TTBK2: variants seen among roughly 807,000 people sequenced by gnomAD.
TTBK2 encodes tau tubulin kinase 2, also known as tau-tubulin kinase 2.
Under a neutral mutation model 110.8 loss-of-function variants are expected in TTBK2, and 28 were observed. That is an observed-to-expected ratio of 0.25 (90% confidence interval 0.19 to 0.35). The LOEUF is 0.35. Among genes scored for constraint, TTBK2 ranks in the 10% least tolerant of loss-of-function variants. The pLI is 1.00. For synonymous variants in TTBK2, 532 were observed against 527.3 expected, an observed-to-expected ratio of 1.01 and a Z score of -0.12; for missense variants, 1,369 against 1,500.3, an observed-to-expected ratio of 0.91 and a Z score of 1.45.
chr15:42,901,326 C>T (rs1280640097), intron 1 of TTBK2, among the ~76,000 whole-genome samples: 1 of 151,476 alleles, frequency 6.6e-6, no homozygotes, highest in Non-Finnish European at 1.5e-5. Context: ...CACACCATTG[C>T]ACTCCAGCCT....
chr15:42,907,758 T>C (rs2030494602), intron 1 of TTBK2, among the ~76,000 whole-genome samples: 1 of 152,032 alleles, frequency 6.6e-6, no homozygotes. Context: ...GTAAATCTTA[T>C]TTGCACGTTT....
rs772663958 is a variant in TTBK2 at position 42,783,454 on chromosome 15, C to A, written c.1162G>T (p.Ala388Ser). 1.2e-6 allele frequency: 2 copies of A among 1,614,106 alleles called. No homozygotes were observed. The highest frequency in any genetic ancestry group is 1.7e-6 in the Non-Finnish European group (2 of 1,179,998). The change falls in exon 11 of 15, where the codon GCC becomes TCC. Residue 388 changes from alanine (A) to serine (S), a missense_variant. By Grantham distance (99) the Ala-to-Ser change is moderately conservative. Transcript: ENST00000267890. The part of the protein sequence containing the change: ...QEKDVWEEMD[A>S]NKNKIKLGIC... ...CCAAGCTTTATCTTGTTTTTGTTGG[C>A]ATCCATCTCTTCCCAAACATCCTTC... is the stretch of plus-strand genomic sequence containing the variant.
At chr15:42,896,709 C>T (rs1363027813) in intron 1 of TTBK2, among the ~76,000 whole-genome samples, 2 of 152,128 alleles carry the variant, frequency 1.3e-5, no homozygotes, top group Admixed American at 1.3e-4. Flanking sequence ...AAGAGGATCA[C>T]TTAGACGCCA....
intron 10 of TTBK2, among the ~76,000 whole-genome samples, chr15:42,794,103 A>C (rs1890826287): frequency 7.0e-6 from 1 of 143,602 alleles, no homozygotes; most frequent in African/African-American, 2.5e-5. Context: ...GTAAAAAATT[A>C]GAAAAAAAAA....
chr15:42,814,103 C>G (rs1406531593), intron 7 of TTBK2, among the ~76,000 whole-genome samples: 2 of 151,886 alleles, frequency 1.3e-5, no homozygotes, highest in Non-Finnish European at 2.9e-5. Flanking sequence ...CTCACTGCAA[C>G]CTCCGCCTCC....
chr15:42,830,166 G>C, intron 4 of TTBK2, 88 bp from the exon 5 acceptor site: 1 of 1,508,436 alleles, frequency 6.6e-7, no homozygotes, highest in Non-Finnish European at 9.0e-7. Flanking sequence ...ACCATTAAAA[G>C]ATGTTTTCAG....
Position 42,849,614 on chromosome 15 carries a change from T to C in TTBK2, c.218-9181A>G, listed in dbSNP as rs143048687. Among the ~76,000 whole-genome samples, 639 of 152,340 alleles carry C rather than the reference T, an allele frequency of 4.2e-3. 10 individuals are homozygous for C. Among genetic ancestry groups the C allele is most frequent in the Non-Finnish European group, 2.3e-3 (158 of 68,032 alleles). On this transcript the variant is annotated intron_variant, in intron 3 of 14. Transcript: ENST00000267890. ...TTGGTATTTTTGCTTTAGCCAGTAA[T>C]TGACCAAGTTGAGTTCATGCTTCAA...
At chr15:42,869,475 A>G (rs1894525304) in intron 3 of TTBK2, among the ~76,000 whole-genome samples, 1 of 152,084 alleles carries the variant, frequency 6.6e-6, no homozygotes, top group South Asian at 2.1e-4. Context: ...GAAAAAAACA[A>G]CAAAATAATT....
At chr15:42,755,765 T>C (rs564033676) in intron 13 of TTBK2, among the ~76,000 whole-genome samples, 90 of 152,386 alleles carry the variant, frequency 5.9e-4, no homozygotes, top group African/African-American at 2.1e-3. Flanking sequence ...TTGAAAGTGA[T>C]GTTGAAATCT....
intron 3 of TTBK2, among the ~76,000 whole-genome samples, chr15:42,865,560 C>T (rs1894341557): frequency 6.6e-6 from 1 of 150,580 alleles, no homozygotes; most frequent in Admixed American, 6.6e-5. Context: ...GTCGTGCACA[C>T]CCTTGTAATC....
intron 6 of TTBK2, 79 bp downstream of exon 6, chr15:42,827,849 T>C: frequency 1.8e-6 from 2 of 1,129,038 alleles, no homozygotes; most frequent in South Asian, 1.3e-5. Flanking sequence ...GGATAAATAA[T>C]TAGCATTGTT....
chr15:42,776,876 A>C (rs1312473007), intron 12 of TTBK2, 155 bp downstream of exon 12: 9 of 687,998 alleles, frequency 1.3e-5, no homozygotes, highest in Middle Eastern at 4.0e-4. Context: ...ACATGGATGA[A>C]AATTGGAGCT....
At chr15:42,894,826 C>CAATACAT (rs1265598649) in intron 1 of TTBK2, among the ~76,000 whole-genome samples, 3 of 152,108 alleles carry the variant, frequency 2.0e-5, no homozygotes, top group Non-Finnish European at 4.4e-5. Flanking sequence ...AAAGTAGTAG[C>CAATACAT]AAACTGAATC....
chr15:42,858,926 T>C (rs533902736), intron 3 of TTBK2, among the ~76,000 whole-genome samples: 1 of 152,240 alleles, frequency 6.6e-6, no homozygotes, highest in Non-Finnish European at 1.5e-5. Flanking sequence ...TTTTTTACAG[T>C]ATATATAGGA....
chr15:42,791,907 C>T (rs758075214), intron 10 of TTBK2, among the ~76,000 whole-genome samples: 1 of 152,098 alleles, frequency 6.6e-6, no homozygotes, highest in Non-Finnish European at 1.5e-5. Flanking sequence ...TTTGGGAGGC[C>T]GAGGCAGGTG....
At chr15:42,828,381 T>C (rs1237475539) in intron 5 of TTBK2, among the ~76,000 whole-genome samples, 2 of 147,860 alleles carry the variant, frequency 1.4e-5, no homozygotes, top group African/African-American at 5.0e-5. Context: ...AAATCAGAGA[T>C]GGACCAAAAA....
intron 13 of TTBK2, among the ~76,000 whole-genome samples, chr15:42,769,906 C>T (rs967890540): frequency 1.4e-4 from 21 of 152,060 alleles, no homozygotes; most frequent in South Asian, 6.2e-4. Context: ...ATATACACCA[C>T]GGAATACTAT....
At chr15:42,869,012 T>TAA in intron 3 of TTBK2, among the ~76,000 whole-genome samples, 1 of 152,156 alleles carries the variant, frequency 6.6e-6, no homozygotes, top group Non-Finnish European at 1.5e-5. Flanking sequence ...AACCATCATT[T>TAA]TACTGTAGAA....
At chr15:42,802,242 A>C in intron 9 of TTBK2, 1 of 844,976 alleles carries the variant, frequency 1.2e-6, no homozygotes. Context: ...CACTGGCCCC[A>C]CCATATCCTG....
Sources: allele counts gnomAD v4.1 joint callset (sites outside exome capture counted in the v4.1 genomes callset), GRCh38; gene constraint gnomAD v4.1.1; transcripts MANE v1.5; gene names NCBI Gene and HGNC (gene_info 2026-07-23, HGNC 2026-07-21).